DNAJB13: variants seen among roughly 807,000 people sequenced by gnomAD.
The protein encoded by DNAJB13 is dnaJ homolog subfamily B member 13.
DNAJB13 carries 22 observed loss-of-function variants against 35.6 expected under a neutral mutation model. The ratio of observed to expected loss-of-function variants is 0.62; its 90% CI spans 0.44 to 0.88. The LOEUF is 0.88. Ranked by LOEUF, DNAJB13 falls within the 40% of genes least tolerant of loss-of-function variation. The pLI, the probability that DNAJB13 is intolerant of heterozygous loss-of-function variation, is 0.00. For synonymous variants in DNAJB13, 136 were observed against 144.2 expected (o/e 0.94, Z 0.41); for missense variants, 370 against 384.3 (o/e 0.96, Z 0.31).
intron 2 of DNAJB13, 50 bp downstream of exon 2, chr11:73,958,470 A>G (rs199547235): frequency 7.0e-7 from 1 of 1,426,362 alleles, no homozygotes; most frequent in African/African-American, 1.4e-5. Flanking sequence ...TCATTCCTTA[A>G]GTCTCTAGAC....
intron 2 of DNAJB13, 93 bp downstream of exon 2, chr11:73,958,513 G>C (rs1950826226): frequency 8.7e-7 from 1 of 1,145,102 alleles, no homozygotes; most frequent in Admixed American, 2.1e-5. Flanking sequence ...CAATAACGAG[G>C]AAGCATCCTT....
chr11:73,955,528 C>T (rs1288602677), intron 1 of DNAJB13, among the ~76,000 whole-genome samples: 5 of 151,864 alleles, frequency 3.3e-5, no homozygotes, highest in African/African-American at 1.2e-4. Context: ...AGCCTGGTCT[C>T]GAACTCCTGA....
chr11:73,967,903 C>T (rs1951164958), intron 5 of DNAJB13: 1 of 235,632 alleles, frequency 4.2e-6, no homozygotes. Flanking sequence ...GATTCACTGT[C>T]AGTGTTAGGG....
chr11:73,961,447 G>A (rs1281389815), intron 3 of DNAJB13, among the ~76,000 whole-genome samples: 5 of 152,290 alleles, frequency 3.3e-5, no homozygotes, highest in East Asian at 3.9e-4. Flanking sequence ...AAATGTCACC[G>A]TTGCATTCCA....
In DNAJB13 at chr11:73,968,097, C is replaced by T; in HGVS notation, c.607-248C>T. 9.9e-6 allele frequency: 5 copies of T among 503,720 alleles called. No homozygotes were observed. The South Asian group carries it at 1.5e-4, about 15-fold the overall frequency. 31.2% of individuals were successfully genotyped at this position (503,720 alleles called of 1,614,324 possible). A position where few individuals can be genotyped will look rare whatever the true frequency, so the allele number is the denominator to read the frequency against. On this transcript the variant is annotated intron_variant, in intron 5 of 7. Coordinates refer to ENST00000339764, the MANE Select transcript of DNAJB13 (RefSeq NM_153614.4). ...GCCGTCTGAGGAAGCCTCTCCGCCC[C>T]TCCAGCTGAGTGTGTCTATTTTGGG...
chr11:73,965,183 CG>C, intron 4 of DNAJB13, 148 bp downstream of exon 4: 1 of 940,842 alleles, frequency 1.1e-6, no homozygotes, highest in Non-Finnish European at 1.5e-6. Context: ...GTTAGAATTC[CG>C]GAATCTGAAA....
chr11:73,961,518 C>T (rs527340507), intron 3 of DNAJB13, among the ~76,000 whole-genome samples: 8 of 152,298 alleles, frequency 5.3e-5, no homozygotes, highest in East Asian at 3.9e-4. Context: ...GCATGAAACT[C>T]GTGGGTGGAC....
intron 5 of DNAJB13, among the ~76,000 whole-genome samples, chr11:73,967,534 C>G (rs529252303): frequency 6.6e-6 from 1 of 152,186 alleles, no homozygotes; most frequent in East Asian, 1.9e-4. Flanking sequence ...CACTTGAGCT[C>G]AGAAGTTTGA....
chr11:73,957,972 C>T (rs1950805067), intron 1 of DNAJB13, among the ~76,000 whole-genome samples: 1 of 151,452 alleles, frequency 6.6e-6, no homozygotes, highest in South Asian at 2.1e-4. Context: ...CAGCCAGCCT[C>T]TGGGGAGCCC....
At chr11:73,960,905 A>T (rs1424475033) in intron 3 of DNAJB13, among the ~76,000 whole-genome samples, 1 of 152,140 alleles carries the variant, frequency 6.6e-6, no homozygotes. Context: ...CATTGTACAG[A>T]TGTCTATTAG....
chr11:73,964,883 T>C lies in DNAJB13; in HGVS notation c.340T>C (p.Phe114Leu). The change falls in exon 4 of 8, where the codon TTT (phenylalanine) becomes CTT (leucine). Residue 114 changes from phenylalanine to leucine, a missense_variant. Physicochemically the swap from Phe to Leu is conservative, Grantham distance 22 (BLOSUM62 0). Coordinates refer to ENST00000339764, the MANE Select transcript of DNAJB13 (RefSeq NM_153614.4). ...CCTCTCCCTACCTCCTGCAGAGTTTTTTGATGCAGAAGGAAGTGAGGTAGA... is the reference window on the plus strand; with the variant it reads ...CCTCTCCCTACCTCCTGCAGAGTTTCTTGATGCAGAAGGAAGTGAGGTAGA... ...FGGNNPFSEFFDAEGSEVDLN... is the reference protein window; with the variant it reads ...FGGNNPFSEFLDAEGSEVDLN... The C allele has an allele frequency of 5.6e-6, 9 of 1,612,902 alleles. No individual in the cohort carries two copies. Among genetic ancestry groups the C allele is most frequent in the Non-Finnish European group, 5.9e-6 (7 of 1,179,836 alleles).
At chr11:73,955,845 G>T (rs1019544711) in intron 1 of DNAJB13, among the ~76,000 whole-genome samples, 1 of 152,104 alleles carries the variant, frequency 6.6e-6, no homozygotes, top group Non-Finnish European at 1.5e-5. Flanking sequence ...TTATAATTGA[G>T]AAAGGCTGGT....
chr11:73,963,345 C>CA (rs565063917), intron 3 of DNAJB13, among the ~76,000 whole-genome samples: 9,191 of 119,544 alleles, frequency 0.077, 316 homozygotes, highest in Middle Eastern at 0.13. Flanking sequence ...GACTCTGTCT[C>CA]AAAAAAAAAA....
At chr11:73,967,740 G>C (rs1951160147) in intron 5 of DNAJB13, among the ~76,000 whole-genome samples, 1 of 152,186 alleles carries the variant, frequency 6.6e-6, no homozygotes, top group Admixed American at 6.6e-5. Context: ...GCGAGATCCT[G>C]TCTAAAAACA....
chr11:73,968,371 C>A lies in DNAJB13; in HGVS notation c.633C>A (p.Ile211=), dbSNP rs767884692. Residue 211 remains isoleucine, a synonymous_variant, in exon 6 of 8, where the codon ATC becomes ATA. Coordinates refer to ENST00000339764, the MANE Select transcript of DNAJB13 (RefSeq NM_153614.4). ...DQGPNIIPAD[I]IFIVKEKLHP... ...GCCCCAACATCATCCCAGCAGACAT[C>A]ATTTTCATCGTAAAGGAGAAGCTAC... 2.5e-6 allele frequency: 4 copies of A among 1,614,176 alleles called. No homozygotes were observed. Among genetic ancestry groups the A allele is most frequent in the Non-Finnish European group, 3.4e-6 (4 of 1,180,020 alleles).
chr11:73,957,431 G>A (rs1018961068), intron 1 of DNAJB13, among the ~76,000 whole-genome samples: 13 of 152,158 alleles, frequency 8.5e-5, no homozygotes, highest in African/African-American at 3.1e-4. Flanking sequence ...CCTTTATTAA[G>A]CTCTCCACAA....
At chr11:73,956,979 G>C (rs564098948) in intron 1 of DNAJB13, among the ~76,000 whole-genome samples, 1 of 152,144 alleles carries the variant, frequency 6.6e-6, no homozygotes, top group Non-Finnish European at 1.5e-5. Flanking sequence ...AAGAGAAGCT[G>C]TGGAACTCTG....
At position 73,951,047 on chromosome 11, in the gene DNAJB13, G is replaced by T. The variant is rs1410464718; in HGVS notation, c.-23G>T. The T allele has an allele frequency of 3.7e-6, 6 of 1,613,278 alleles. No homozygotes were observed. The highest frequency in any genetic ancestry group is 1.7e-5 in the Admixed American group (1 of 59,950). ...TGCTAGAGTCTGAGGACTATCCAGG[G>T]CCTGACTGCCAGCTAGCCAGCCATG... On this transcript the variant is annotated 5_prime_UTR_variant, in exon 1 of 8. Coordinates refer to ENST00000339764, the MANE Select transcript of DNAJB13 (RefSeq NM_153614.4).
intron 1 of DNAJB13, among the ~76,000 whole-genome samples, chr11:73,952,386 C>A (rs1950610164): frequency 1.3e-5 from 2 of 152,172 alleles, no homozygotes. Context: ...AACTTTCCAT[C>A]ACTGTTTAAC....
Sources: allele counts gnomAD v4.1 joint callset (sites outside exome capture counted in the v4.1 genomes callset), GRCh38; gene constraint gnomAD v4.1.1; transcripts MANE v1.5; gene names NCBI Gene and HGNC (gene_info 2026-07-23, HGNC 2026-07-21).